Variants in MTA1 observed in about 807,000 individuals in gnomAD.
The protein encoded by MTA1 is metastasis associated 1, also known as metastasis-associated protein MTA1.
Under a neutral mutation model 97.0 loss-of-function variants are expected in MTA1, and 15 were observed. That is an observed-to-expected ratio of 0.15 (90% CI 0.10 to 0.24). The LOEUF (loss-of-function observed/expected upper bound fraction) is 0.24, where lower values mean the gene tolerates loss of function less well. Ranked by LOEUF, MTA1 falls within the 10% of genes least tolerant of loss-of-function variation. MTA1 has a pLI of 1.00. For missense variants in MTA1, 709 were observed against 1,015.1 expected (o/e 0.70, Z 4.10); for synonymous variants, 435 against 417.5 (o/e 1.04, Z -0.51).
intron 2 of MTA1, among the ~76,000 whole-genome samples, chr14:105,441,045 G>C (rs587698098): frequency 2.0e-5 from 3 of 152,234 alleles, no homozygotes; most frequent in African/African-American, 7.2e-5. Context: ...CCTGGCCCTG[G>C]CCTGGGTCAG....
chr14:105,426,232 C>T (rs1040410706), intron 1 of MTA1, among the ~76,000 whole-genome samples: 47 of 152,202 alleles, frequency 3.1e-4, no homozygotes, highest in Non-Finnish European at 3.4e-4. Context: ...CTCACAGCAG[C>T]GTCGTCACAG....
At position 105,458,340 on chromosome 14, in the gene MTA1, C is replaced by T; in HGVS notation, c.621C>T (p.Asp207=). 4 of 1,612,774 alleles carry T rather than the reference C, an allele frequency of 2.5e-6. No homozygotes were observed. Among genetic ancestry groups the T allele is most frequent in the Non-Finnish European group, 3.4e-6 (4 of 1,179,944 alleles). The part of the protein sequence containing the change: ...QVWEAHNPLT[D]KQIDQFLVVA... ...GGGAGGCGCACAACCCACTCACAGA[C>T]AAGCAGATCGACCAGTTCCTGGTGG... is the stretch of plus-strand genomic sequence containing the variant. Residue 207 remains aspartate (D), a synonymous_variant, in exon 8 of 21, where the codon GAC becomes GAT. Coordinates refer to ENST00000331320, the MANE Select transcript of MTA1 (RefSeq NM_004689.4).
rs587701814 is a variant in MTA1 at position 105,466,586 on chromosome 14, G to GC, written c.1777+15dup. 99 of 1,565,290 alleles carry GC rather than the reference G, an allele frequency of 6.3e-5. No individual in the cohort carries two copies. In the African/African-American group the frequency reaches 8.3e-4, roughly 13 times the overall value. On this transcript the variant is annotated intron_variant, in intron 17 of 20. Coordinates refer to ENST00000331320, the MANE Select transcript of MTA1 (RefSeq NM_004689.4). ...AGCACAACGGGGTGGACGGTGAGTG[G>GC]CCCCCCCGCCCGGTGAGTGTGGCCC... is the stretch of plus-strand genomic sequence containing the variant.
At position 105,462,153 on chromosome 14, in the gene MTA1, GGGA is replaced by G. The variant is rs1555431190; in HGVS notation, c.943-1030_943-1028del. On this transcript the variant is annotated intron_variant, in intron 10 of 20. Transcript: ENST00000331320. Reference sequence around the variant, plus strand: ...GGCTGCGGGGCCCTGTCCAGGTGCGGGGATGGGAGGCTGCAGCTTCGGGGCTGT... The same window carrying G: ...GGCTGCGGGGCCCTGTCCAGGTGCGGTGGGAGGCTGCAGCTTCGGGGCTGT... Among the ~76,000 whole-genome samples the G allele has an allele frequency of 6.9e-3, 1,047 of 152,374 alleles. 4 individuals are homozygous for G. The highest frequency in any genetic ancestry group is 0.013 in the South Asian group (63 of 4,830).
At chr14:105,440,324 A>G (rs953144998) in intron 2 of MTA1, among the ~76,000 whole-genome samples, 1 of 152,218 alleles carries the variant, frequency 6.6e-6, no homozygotes, top group Non-Finnish European at 1.5e-5. Flanking sequence ...ACGCTGAACC[A>G]TGGCTGGGGG....
chr14:105,442,082 G>T (rs2082551002), intron 2 of MTA1, among the ~76,000 whole-genome samples: 1 of 152,218 alleles, frequency 6.6e-6, no homozygotes, highest in African/African-American at 2.4e-5. Flanking sequence ...CCAACGTCCA[G>T]TTAATAGCAG....
Position 105,449,945 on chromosome 14 carries a change from G to A in MTA1, c.242-113G>A, listed in dbSNP as rs1306998028. The A allele has an allele frequency of 4.1e-5, 60 of 1,460,604 alleles. No individual in the cohort carries two copies. In the Admixed American group the frequency reaches 9.9e-4, roughly 24 times the overall value. 90.5% of individuals were successfully genotyped at this position (1,460,604 alleles called of 1,614,324 possible). A position where few individuals can be genotyped will look rare whatever the true frequency, so the allele number is the denominator to read the frequency against. ...AGTGTCCGGCAGCAGGAGGAGGCAC[G>A]CCTCCCAGGACTGGGCCTCCTGCGT... On this transcript the variant is annotated intron_variant, in intron 4 of 20. Coordinates refer to ENST00000331320, the MANE Select transcript of MTA1 (RefSeq NM_004689.4).
intron 18 of MTA1, chr14:105,468,447 G>T (rs587628140): frequency 9.9e-5 from 115 of 1,158,066 alleles, no homozygotes; most frequent in Admixed American, 5.1e-4. Context: ...GAGCGCCGCA[G>T]ATCAGGCACC....
intron 2 of MTA1, 45 bp downstream of exon 2, chr14:105,438,784 G>A: frequency 6.3e-7 from 1 of 1,595,530 alleles, no homozygotes; most frequent in Non-Finnish European, 8.6e-7. Flanking sequence ...AGTGGGTGGG[G>A]GCTACGCCAG....
chr14:105,454,807 G>A lies in MTA1; in HGVS notation c.550+497G>A, dbSNP rs146438660. The A allele has an allele frequency of 8.2e-3, 1,272 of 155,990 alleles. 11 individuals are homozygous for A. The highest frequency in any genetic ancestry group is 0.012 in the Non-Finnish European group (874 of 70,126). The allele number at this position is 155,990 out of a possible 1,614,324, so 9.7% of individuals were successfully genotyped here. On this transcript the variant is annotated intron_variant, in intron 7 of 20. Transcript: ENST00000331320. ...TTTTTAGTAGAGACGGGGTTTCACC[G>A]TGTTGGCCACGTTGGTCTTGAACTC... is the stretch of plus-strand genomic sequence containing the variant.
chr14:105,439,560 G>A (rs1053370696), intron 2 of MTA1, among the ~76,000 whole-genome samples: 4 of 152,322 alleles, frequency 2.6e-5, no homozygotes, highest in Middle Eastern at 6.8e-3. Context: ...GTCCTCAGGG[G>A]TGGTGGGTGG....
At chr14:105,441,111 TG>T (rs111774461) in intron 2 of MTA1, among the ~76,000 whole-genome samples, 6,169 of 152,144 alleles carry the variant, frequency 0.041, 404 homozygotes, top group African/African-American at 0.14. Context: ...AAGGCCTGTC[TG>T]GGGGGTCAGG....
Position 105,470,291 on chromosome 14 carries a change from C to T in MTA1, c.*76C>T, listed in dbSNP as rs2083787617. ...CCCTTCCCAGCCAGCCCGCCGCCCG[C>T]CCCTCAGTTTGGTAGTGCCCCACCT... On this transcript the variant is annotated 3_prime_UTR_variant, in exon 21 of 21. Coordinates refer to ENST00000331320, the MANE Select transcript of MTA1 (RefSeq NM_004689.4). The T allele has an allele frequency of 2.3e-6, 3 of 1,296,898 alleles. No individual in the cohort carries two copies. The highest frequency in any genetic ancestry group is 3.0e-6 in the Non-Finnish European group (3 of 1,005,020). The allele number at this position is 1,296,898 out of a possible 1,614,324, so 80.3% of individuals were successfully genotyped here.
At chr14:105,469,663 G>C in intron 19 of MTA1, 165 bp downstream of exon 19, 10 of 1,210,910 alleles carry the variant, frequency 8.3e-6, no homozygotes, top group Non-Finnish European at 1.2e-5. Context: ...CCCTGTGCCA[G>C]GCCCAGCGGT....
chr14:105,469,411 G>A, intron 18 of MTA1, 56 bp from the exon 19 acceptor site: 1 of 1,592,920 alleles, frequency 6.3e-7, no homozygotes, highest in Non-Finnish European at 8.6e-7. Flanking sequence ...GGTGGGCGGT[G>A]GGAGTGCAGG....
chr14:105,435,066 G>T (rs1567007321), intron 1 of MTA1, among the ~76,000 whole-genome samples: 1 of 152,162 alleles, frequency 6.6e-6, no homozygotes. Flanking sequence ...AGCAGAAGCA[G>T]CCCTTTTCTC....
Position 105,460,449 on chromosome 14 carries a change from A to G in MTA1, c.745A>G (p.Ile249Val). 6.2e-7 allele frequency: 1 copy of G among 1,609,838 alleles called. No individual in the cohort carries two copies. Among genetic ancestry groups the G allele is most frequent in the Non-Finnish European group, 8.5e-7 (1 of 1,178,722 alleles). ...HMSAAAASRD[I>V]TLFHAMDTLH... Reference sequence around the variant, plus strand: ...GAGCGCCGCAGCTGCCTCCCGAGACATCACCCTGGTAAGTGGGCCCAGGGC... The same window carrying G: ...GAGCGCCGCAGCTGCCTCCCGAGACGTCACCCTGGTAAGTGGGCCCAGGGC... Residue 249 changes from isoleucine (I) to valine (V), a missense_variant, in exon 9 of 21, where the codon ATC (isoleucine) becomes GTC (valine). This residue lies in a region of MTA1 where 321 missense variants were observed against 593.5 expected (regional missense o/e 0.54). Coordinates refer to ENST00000331320, the MANE Select transcript of MTA1 (RefSeq NM_004689.4).
Position 105,470,253 on chromosome 14 carries a change from C to T in MTA1, c.*38C>T. 1 of 1,425,816 alleles carries T rather than the reference C, an allele frequency of 7.0e-7. No homozygotes were observed. The highest frequency in any genetic ancestry group is 9.1e-7 in the Non-Finnish European group (1 of 1,095,388). 88.3% of individuals were successfully genotyped at this position (1,425,816 alleles called of 1,614,324 possible). A position where few individuals can be genotyped will look rare whatever the true frequency, so the allele number is the denominator to read the frequency against. On this transcript the variant is annotated 3_prime_UTR_variant, in exon 21 of 21. Transcript: ENST00000331320. ...CCTGCGGCCGCCCCCCGCCCCTCGCCCGCCCACACGGCCCCTTCCCAGCCA... is the reference window on the plus strand; with the variant it reads ...CCTGCGGCCGCCCCCCGCCCCTCGCTCGCCCACACGGCCCCTTCCCAGCCA...
chr14:105,453,502 C>T (rs2083024015), intron 6 of MTA1, among the ~76,000 whole-genome samples: 1 of 152,270 alleles, frequency 6.6e-6, no homozygotes, highest in Admixed American at 6.5e-5. Flanking sequence ...GGAGCGAGAC[C>T]ATGTTTCGAA....
Sources: allele counts gnomAD v4.1 joint callset (sites outside exome capture counted in the v4.1 genomes callset), GRCh38; gene constraint gnomAD v4.1.1; regional missense constraint gnomAD v4.1.1; transcripts MANE v1.5; gene names NCBI Gene and HGNC (gene_info 2026-07-23, HGNC 2026-07-21).